Variants in KAZN observed in about 807,000 individuals in gnomAD.
KAZN encodes the protein kazrin.
A neutral mutation model predicts 87.4 loss-of-function variants in KAZN; 40 were observed. The observed-to-expected ratio is 0.46, with a 90% CI of 0.36 to 0.60. The LOEUF is 0.60. KAZN is among the 20% of genes least tolerant of loss of function. The probability of loss-of-function intolerance (pLI) is 0.00; values close to 1 mark genes in which losing one functional copy is unlikely to be tolerated. For missense variants in KAZN, 898 were observed against 1,073.9 expected (o/e 0.84, Z 2.29); for synonymous variants, 466 against 458.3 (o/e 1.02, Z -0.22).
At chr1:13,895,157 C>T (rs538444612) in intron 1 of KAZN, among the ~76,000 whole-genome samples, 6 of 152,254 alleles carry the variant, frequency 3.9e-5, no homozygotes, top group Non-Finnish European at 5.9e-5. Flanking sequence ...TGGTAGTAGA[C>T]AATGGAAGCA....
At chr1:14,200,872 A>AT (rs1646625204) in intron 2 of KAZN, among the ~76,000 whole-genome samples, 1 of 151,476 alleles carries the variant, frequency 6.6e-6, no homozygotes, top group East Asian at 1.9e-4. Flanking sequence ...TTTAATGATA[A>AT]TTTTTTGAAA....
At chr1:14,069,204 T>G (rs549772813) in intron 1 of KAZN, among the ~76,000 whole-genome samples, 1 of 152,302 alleles carries the variant, frequency 6.6e-6, no homozygotes, top group South Asian at 2.1e-4. Flanking sequence ...ACCTGGTAAG[T>G]GAGTCTGTAG....
rs1178081420 is a variant in KAZN at position 15,094,164 on chromosome 1, C to T, written c.1223-16C>T. 1.2e-6 allele frequency: 2 copies of T among 1,610,906 alleles called. No individual in the cohort carries two copies. The highest frequency in any genetic ancestry group is 1.7e-6 in the Non-Finnish European group (2 of 1,179,080). On this transcript the variant is annotated splice_polypyrimidine_tract_variant and intron_variant, in intron 8 of 14. Coordinates refer to ENST00000376030, the MANE Select transcript of KAZN (RefSeq NM_201628.3). This position sits in a 1 kb window ranked among gnomAD's most constrained non-coding sequence, Gnocchi z 4.5. ...CAGCCTCGTCCCCCAGCATGGCCTG[C>T]ACTTGTGTGTTGCAGACTCGGACAG...
At chr1:14,778,725 C>T (rs934582144) in intron 1 of KAZN, among the ~76,000 whole-genome samples, 1 of 152,108 alleles carries the variant, frequency 6.6e-6, no homozygotes, top group African/African-American at 2.4e-5. Flanking sequence ...TTTTATACCA[C>T]CCGTGGACTC....
chr1:14,763,929 A>G (rs918311481), intron 1 of KAZN, among the ~76,000 whole-genome samples: 3 of 152,084 alleles, frequency 2.0e-5, no homozygotes, highest in Non-Finnish European at 4.4e-5. Flanking sequence ...TTTGTATGTT[A>G]GTAGAAACAG....
chr1:14,401,568 C>G (rs1663413758), intron 2 of KAZN, among the ~76,000 whole-genome samples: 1 of 152,022 alleles, frequency 6.6e-6, no homozygotes, highest in African/African-American at 2.4e-5. Context: ...GTAATCTCAG[C>G]ACTTTGGGAA....
chr1:13,917,473 A>G (rs1639895880), intron 1 of KAZN, among the ~76,000 whole-genome samples: 1 of 152,138 alleles, frequency 6.6e-6, no homozygotes. Flanking sequence ...CTCATTTACC[A>G]TTTTGAAAAT....
chr1:15,090,107 G>A (rs538304078), intron 8 of KAZN, among the ~76,000 whole-genome samples: 17 of 152,288 alleles, frequency 1.1e-4, no homozygotes, highest in South Asian at 4.1e-4. Context: ...TTCAAGCTAC[G>A]AGGCAGATAT....
At chr1:14,160,839 A>G (rs920177429) in intron 1 of KAZN, among the ~76,000 whole-genome samples, 4 of 152,126 alleles carry the variant, frequency 2.6e-5, no homozygotes, top group Non-Finnish European at 5.9e-5. Flanking sequence ...TATTTTTTGA[A>G]GCTATGTTTT....
At chr1:14,258,139 CGTCCCAAAACTGTCCCAAAACT>C (rs71570193) in intron 2 of KAZN, among the ~76,000 whole-genome samples, 6,428 of 149,244 alleles carry the variant, frequency 0.043, 203 homozygotes, top group Middle Eastern at 0.079. Context: ...AACCCTCCAC[CGTCCCAAAACTGTCCCAAAACT>C]GTCCCAAAAC....
chr1:15,111,541 G>A (rs1372031829), intron 13 of KAZN, among the ~76,000 whole-genome samples: 2 of 152,196 alleles, frequency 1.3e-5, no homozygotes, highest in Non-Finnish European at 1.5e-5. Flanking sequence ...GCCTCCCACA[G>A]TGCTGGGATT....
At chr1:14,275,684 A>G (rs1322759434) in intron 2 of KAZN, among the ~76,000 whole-genome samples, 1 of 152,126 alleles carries the variant, frequency 6.6e-6, no homozygotes, top group African/African-American at 2.4e-5. Flanking sequence ...CAATTTATTT[A>G]TACATTTTAG....
chr1:14,055,055 C>T (rs1642493202), intron 1 of KAZN, among the ~76,000 whole-genome samples: 1 of 152,144 alleles, frequency 6.6e-6, no homozygotes, highest in African/African-American at 2.4e-5. Flanking sequence ...TTATCTTCAC[C>T]TTCCAGTTGT....
At chr1:14,397,569 C>T (rs1323498103) in intron 2 of KAZN, among the ~76,000 whole-genome samples, 1 of 152,074 alleles carries the variant, frequency 6.6e-6, no homozygotes, top group Non-Finnish European at 1.5e-5. Context: ...TAGAATAAGG[C>T]AGAAGCGCTG....
chr1:14,522,730 A>T (rs1473512828), intron 2 of KAZN, among the ~76,000 whole-genome samples: 1 of 150,108 alleles, frequency 6.7e-6, no homozygotes, highest in Non-Finnish European at 1.5e-5. Context: ...TGTGTTGTAT[A>T]ACTCATCGGA....
intron 1 of KAZN, among the ~76,000 whole-genome samples, chr1:14,892,368 A>T (rs940188669): frequency 6.6e-6 from 1 of 151,712 alleles, no homozygotes; most frequent in Middle Eastern, 3.2e-3. Flanking sequence ...TTTCAGAGGC[A>T]TCTCTCTCTC....
chr1:14,613,625 C>T (rs1677986703), intron 1 of KAZN, among the ~76,000 whole-genome samples: 1 of 152,210 alleles, frequency 6.6e-6, no homozygotes, highest in Non-Finnish European at 1.5e-5. Flanking sequence ...ATGGTTACAG[C>T]TTCGGTATTG....
chr1:15,071,539 G>A (rs944313515), intron 8 of KAZN, among the ~76,000 whole-genome samples: 1 of 152,174 alleles, frequency 6.6e-6, no homozygotes, highest in African/African-American at 2.4e-5. Flanking sequence ...ACAAGTGTGA[G>A]CCACCGCACC....
In KAZN at chr1:14,960,804, C is replaced by T. The variant is rs1373640397; in HGVS notation, c.347C>T (p.Ser116Leu). 4 of 1,612,668 alleles carry T rather than the reference C, an allele frequency of 2.5e-6. No homozygotes were observed. Among genetic ancestry groups the T allele is most frequent in the East Asian group, 2.2e-5 (1 of 44,870 alleles). ...SQGGKSSEVL[S>L]ATELRVQLAQ... ...GGCGGCAAGTCCTCTGAGGTCCTCT[C>T]GGCCACCGAGCTCAGGGTCCAGCTG... The change falls in exon 2 of 15, where the codon TCG (serine) becomes TTG (leucine). Residue 116 changes from serine to leucine, a missense_variant. By Grantham distance (145) the Ser-to-Leu change is moderately radical. Transcript: ENST00000376030.
Sources: allele counts gnomAD v4.1 joint callset (sites outside exome capture counted in the v4.1 genomes callset), GRCh38; gene constraint gnomAD v4.1.1; non-coding constraint Gnocchi (gnomAD v3.1); transcripts MANE v1.5; gene names NCBI Gene and HGNC (gene_info 2026-07-23, HGNC 2026-07-21).